B3GALT1: variants seen among roughly 807,000 people sequenced by gnomAD.
B3GALT1 encodes beta-1,3-galactosyltransferase 1.
Under a neutral mutation model 23.2 loss-of-function variants are expected in B3GALT1, and 10 were observed. The observed-to-expected ratio is 0.43, with a 90% CI of 0.27 to 0.73. B3GALT1 has a LOEUF of 0.73. Ranked by LOEUF, B3GALT1 falls within the 30% of genes least tolerant of loss-of-function variation. The pLI, the probability that B3GALT1 is intolerant of heterozygous loss-of-function variation, is 0.21. For missense variants in B3GALT1, 299 were observed against 405.4 expected, an observed-to-expected ratio of 0.74 and a Z score of 2.25; for synonymous variants, 156 against 141.5, an observed-to-expected ratio of 1.10 and a Z score of -0.73.
rs568511065 is a variant in B3GALT1, at chr2:167,354,893, T to C, written c.-511+61559T>C. On this transcript the variant is annotated intron_variant, in intron 1 of 4. Transcript: ENST00000392690. ...TTTTTCATCTTTATCACTCATATTA[T>C]ACATCAACCATGAGTTCTCAGCAAA... Among the ~76,000 whole-genome samples, 740 of 152,346 alleles carry C rather than the reference T, an allele frequency of 4.9e-3. 4 individuals carry two copies. Among genetic ancestry groups the C allele is most frequent in the African/African-American group, 0.016 (682 of 41,574 alleles).
chr2:167,848,627 C>T (rs200198238), intron 4 of B3GALT1, among the ~76,000 whole-genome samples: 1 of 152,012 alleles, frequency 6.6e-6, no homozygotes, highest in Non-Finnish European at 1.5e-5. Context: ...ACAAACCCAC[C>T]GCCAACATAA....
chr2:167,325,702 C>CTTTTTTTTTTTTTTT (rs61066636), intron 1 of B3GALT1, among the ~76,000 whole-genome samples: 7 of 110,570 alleles, frequency 6.3e-5, no homozygotes, highest in African/African-American at 1.3e-4. Context: ...ACCCTGTTTT[C>CTTTTTTTTTTTTTTT]TTTTTTTTTT....
chr2:167,732,638 T>A (rs1374796209), intron 3 of B3GALT1, among the ~76,000 whole-genome samples: 1 of 152,116 alleles, frequency 6.6e-6, no homozygotes, highest in South Asian at 2.1e-4. Context: ...AATAATTGAA[T>A]AAGGTTGGGG....
At chr2:167,407,739 A>G (rs993967989) in intron 1 of B3GALT1, among the ~76,000 whole-genome samples, 2 of 152,146 alleles carry the variant, frequency 1.3e-5, no homozygotes, top group Admixed American at 1.3e-4. Context: ...ACCTAGAAGT[A>G]ATGCATATAT....
At position 167,839,174 on chromosome 2, in the gene B3GALT1, C is replaced by T. The variant is rs1177682469; in HGVS notation, c.-230+20381C>T. ...TTCAACATAGTGTTGGAAGTTCTGGCCAGGGCAATTAGTCAGGAGAAGGAA... is the reference window on the plus strand; with the variant it reads ...TTCAACATAGTGTTGGAAGTTCTGGTCAGGGCAATTAGTCAGGAGAAGGAA... On this transcript the variant is annotated intron_variant, in intron 4 of 4. Transcript: ENST00000392690. Among the ~76,000 whole-genome samples the T allele has an allele frequency of 3.3e-5, 5 of 152,170 alleles. No homozygotes were observed. In the East Asian group the frequency reaches 9.6e-4, roughly 29 times the overall value.
At chr2:167,361,532 C>A (rs1697499949) in intron 1 of B3GALT1, among the ~76,000 whole-genome samples, 1 of 152,188 alleles carries the variant, frequency 6.6e-6, no homozygotes, top group Non-Finnish European at 1.5e-5. Flanking sequence ...AATCAGAGTA[C>A]TGGCAATTGC....
chr2:167,837,257 A>T (rs1429994260), intron 4 of B3GALT1, among the ~76,000 whole-genome samples: 6 of 152,206 alleles, frequency 3.9e-5, no homozygotes, highest in Non-Finnish European at 8.8e-5. Context: ...GTCAAGACCC[A>T]TCAGTGTGCT....
At chr2:167,563,146 G>A (rs1268778129) in intron 2 of B3GALT1, among the ~76,000 whole-genome samples, 1 of 151,928 alleles carries the variant, frequency 6.6e-6, no homozygotes, top group Admixed American at 6.5e-5. Context: ...TCATGGCCCG[G>A]TCTCAGTGAG....
intron 2 of B3GALT1, among the ~76,000 whole-genome samples, chr2:167,532,507 C>T (rs1297994897): frequency 1.3e-5 from 2 of 151,932 alleles, no homozygotes; most frequent in Non-Finnish European, 2.9e-5. Flanking sequence ...TGTATCCACA[C>T]TTTCATATAT....
intron 1 of B3GALT1, among the ~76,000 whole-genome samples, chr2:167,376,625 T>C (rs1028838404): frequency 6.6e-6 from 1 of 152,088 alleles, no homozygotes; most frequent in Non-Finnish European, 1.5e-5. Flanking sequence ...AGTTTGTGTG[T>C]GTAGAGGTGT....
At chr2:167,689,007 A>G (rs1295564221) in intron 3 of B3GALT1, among the ~76,000 whole-genome samples, 1 of 152,138 alleles carries the variant, frequency 6.6e-6, no homozygotes, top group Non-Finnish European at 1.5e-5. Flanking sequence ...CACATTACTT[A>G]AATACTTTTT....
intron 2 of B3GALT1, among the ~76,000 whole-genome samples, chr2:167,631,749 C>A (rs1685450316): frequency 6.8e-6 from 1 of 147,950 alleles, no homozygotes; most frequent in Non-Finnish European, 1.5e-5. Flanking sequence ...CTCTCTCTCA[C>A]CTACCTCTCC....
intron 3 of B3GALT1, among the ~76,000 whole-genome samples, chr2:167,776,903 C>T (rs1275702482): frequency 6.6e-6 from 1 of 151,988 alleles, no homozygotes; most frequent in Admixed American, 6.6e-5. Context: ...CTTTTAAAGT[C>T]TTATTGGTTT....
intron 3 of B3GALT1, among the ~76,000 whole-genome samples, chr2:167,739,778 T>C (rs1385295596): frequency 6.6e-6 from 1 of 151,980 alleles, no homozygotes; most frequent in Non-Finnish European, 1.5e-5. Context: ...CCTTTTAAAA[T>C]ATAATCCACA....
chr2:167,487,499 C>G (rs1285253026), intron 1 of B3GALT1, among the ~76,000 whole-genome samples: 1 of 152,124 alleles, frequency 6.6e-6, no homozygotes, highest in African/African-American at 2.4e-5. Context: ...GCTTAAAAAT[C>G]CAATAACTCT....
intron 2 of B3GALT1, among the ~76,000 whole-genome samples, chr2:167,543,776 G>A (rs746352328): frequency 4.6e-5 from 7 of 152,206 alleles, no homozygotes; most frequent in Non-Finnish European, 7.3e-5. Context: ...GTGGTGCTTC[G>A]TGTCTTTATT....
intron 2 of B3GALT1, among the ~76,000 whole-genome samples, chr2:167,509,356 A>G (rs1699969344): frequency 6.6e-6 from 1 of 152,216 alleles, no homozygotes; most frequent in African/African-American, 2.4e-5. Flanking sequence ...TGGAAACAAC[A>G]AATAATAATA....
chr2:167,535,633 T>G (rs1266124659), intron 2 of B3GALT1, among the ~76,000 whole-genome samples: 1 of 151,958 alleles, frequency 6.6e-6, no homozygotes, highest in Admixed American at 6.6e-5. Flanking sequence ...TACCATGTTA[T>G]CCCTCCAATT....
At chr2:167,609,096 A>T (rs1179833601) in intron 2 of B3GALT1, among the ~76,000 whole-genome samples, 1 of 152,128 alleles carries the variant, frequency 6.6e-6, no homozygotes, top group South Asian at 2.1e-4. Context: ...ACTTACTTAT[A>T]TTTATAACCT....
Sources: allele counts gnomAD v4.1 joint callset (sites outside exome capture counted in the v4.1 genomes callset), GRCh38; gene constraint gnomAD v4.1.1; transcripts MANE v1.5; gene names NCBI Gene and HGNC (gene_info 2026-07-23, HGNC 2026-07-21).